The following ESR1 variants were observed in gnomAD, a reference collection of about 807,000 sequenced individuals.
The protein encoded by ESR1 is estrogen receptor.
ESR1 carries 12 observed loss-of-function variants against 52.7 expected under a neutral mutation model. The observed-to-expected ratio is 0.23, with a 90% confidence interval of 0.15 to 0.37. ESR1 has a LOEUF of 0.37. Among genes scored for constraint, ESR1 ranks in the 10% least tolerant of loss-of-function variants. The pLI, the probability that ESR1 is intolerant of heterozygous loss-of-function variation, is 1.00. For synonymous variants in ESR1, 305 were observed against 316.8 expected, an observed-to-expected ratio of 0.96 and a Z score of 0.39; for missense variants, 584 against 779.7, an observed-to-expected ratio of 0.75 and a Z score of 2.99.
intron 1 of ESR1, among the ~76,000 whole-genome samples, chr6:151,678,360 C>T (rs1450225279): frequency 6.6e-6 from 1 of 151,896 alleles, no homozygotes; most frequent in Non-Finnish European, 1.5e-5. Flanking sequence ...ATAATCCCAG[C>T]TACTTGGGAG....
At chr6:151,805,509 C>T (rs1055443935), upstream of ESR1, 1 of 152,600 alleles carries the variant, frequency 6.6e-6, no homozygotes, top group South Asian at 2.1e-4. Flanking sequence ...ACAGCTTTCT[C>T]TGGCTGTGCC....
At chr6:151,709,819 G>T (rs1780456561) in intron 2 of ESR1, among the ~76,000 whole-genome samples, 1 of 148,886 alleles carries the variant, frequency 6.7e-6, no homozygotes. Flanking sequence ...ATAATTTTCT[G>T]CTACAAAATT....
At chr6:152,044,631 A>G (rs2046079525) in intron 5 of ESR1, among the ~76,000 whole-genome samples, 1 of 152,070 alleles carries the variant, frequency 6.6e-6, no homozygotes, top group South Asian at 2.1e-4. Flanking sequence ...TGTAGGTCTA[A>G]GAGTTCAAAA....
chr6:152,044,437 A>G (rs962500864), intron 5 of ESR1, among the ~76,000 whole-genome samples: 2 of 152,232 alleles, frequency 1.3e-5, no homozygotes, highest in African/African-American at 2.4e-5. Flanking sequence ...GGTGAGATGT[A>G]TATATAAAAG....
chr6:152,031,582 A>C (rs1204867633), intron 5 of ESR1, among the ~76,000 whole-genome samples: 4 of 152,212 alleles, frequency 2.6e-5, no homozygotes, highest in Non-Finnish European at 5.9e-5. Flanking sequence ...TCCCAAGACT[A>C]AACCAGGAAG....
chr6:151,828,725 G>A (rs990778912), intron 1 of ESR1, among the ~76,000 whole-genome samples: 2 of 152,162 alleles, frequency 1.3e-5, no homozygotes, highest in Non-Finnish European at 2.9e-5. Context: ...CCTTGGTAGG[G>A]CATATCACAC....
chr6:151,886,450 C>T (rs1793863394), intron 3 of ESR1, among the ~76,000 whole-genome samples: 1 of 151,974 alleles, frequency 6.6e-6, no homozygotes, highest in African/African-American at 2.4e-5. Context: ...ATTTTAATAA[C>T]AAATGTTGCA....
intron 5 of ESR1, among the ~76,000 whole-genome samples, chr6:152,040,821 T>C (rs990737633): frequency 2.0e-5 from 3 of 152,160 alleles, no homozygotes; most frequent in African/African-American, 7.2e-5. Context: ...AGGCCATCAG[T>C]GCAGGCTGGG....
intron 5 of ESR1, among the ~76,000 whole-genome samples, chr6:152,035,298 A>T (rs1421421321): frequency 6.6e-6 from 1 of 150,738 alleles, no homozygotes; most frequent in African/African-American, 2.4e-5. Flanking sequence ...ATATAATTTT[A>T]TATAATTTAA....
At chr6:151,825,313 C>T (rs1417594674) in intron 1 of ESR1, among the ~76,000 whole-genome samples, 3 of 152,026 alleles carry the variant, frequency 2.0e-5, no homozygotes, top group African/African-American at 7.3e-5. Context: ...GACTGGGGCT[C>T]TCCAATACGT....
intron 2 of ESR1, among the ~76,000 whole-genome samples, chr6:151,791,342 GT>G (rs1319066200): frequency 6.6e-6 from 1 of 152,146 alleles, no homozygotes; most frequent in Admixed American, 6.5e-5. Context: ...AGATCTGATG[GT>G]TTTATAAATG....
chr6:151,696,682 C>T (rs1431851114), intron 1 of ESR1, among the ~76,000 whole-genome samples: 1 of 152,006 alleles, frequency 6.6e-6, no homozygotes. Context: ...ATCAGTAAGG[C>T]ACATAATATG....
At chr6:151,819,722 A>T (rs1292150885) in intron 1 of ESR1, among the ~76,000 whole-genome samples, 2 of 152,168 alleles carry the variant, frequency 1.3e-5, no homozygotes, top group Admixed American at 6.5e-5. Context: ...ATACTAATAG[A>T]AATAAAGTGC....
intron 2 of ESR1, among the ~76,000 whole-genome samples, chr6:151,731,934 A>G (rs961949983): frequency 3.3e-5 from 5 of 152,192 alleles, no homozygotes; most frequent in Admixed American, 1.3e-4. Context: ...ATATGGGTCC[A>G]CTGTGAAGTA....
chr6:151,852,148 G>A lies in ESR1; in HGVS notation c.643+9361G>A, dbSNP rs1010140994. ...CCAAGAGGAAGGCCAGTCATCAGGG[G>A]GTAGGATAAGTTCAATTCTAGACAT... is the stretch of plus-strand genomic sequence containing the variant. On this transcript the variant is annotated intron_variant, in intron 2 of 7. Coordinates refer to ENST00000206249, the MANE Select transcript of ESR1 (RefSeq NM_000125.4). 2.0e-5 allele frequency among the ~76,000 whole-genome samples: 3 copies of A among 152,122 alleles called. No homozygotes were observed. In the East Asian group the frequency reaches 5.8e-4, roughly 29 times the overall value.
At chr6:151,694,999 T>C (rs181746592) in intron 1 of ESR1, among the ~76,000 whole-genome samples, 14 of 152,280 alleles carry the variant, frequency 9.2e-5, no homozygotes, top group Admixed American at 9.2e-4. Flanking sequence ...CCCAGCCATG[T>C]GGCAAAGCTG....
At chr6:152,024,682 T>G (rs954031155) in intron 5 of ESR1, among the ~76,000 whole-genome samples, 2 of 147,640 alleles carry the variant, frequency 1.4e-5, no homozygotes, top group East Asian at 3.9e-4. Flanking sequence ...AAAATATATA[T>G]TATATATAGT....
intron 1 of ESR1, among the ~76,000 whole-genome samples, chr6:151,828,742 A>G (rs1781913076): frequency 6.6e-6 from 1 of 152,120 alleles, no homozygotes; most frequent in African/African-American, 2.4e-5. Flanking sequence ...ACACACATCA[A>G]CCCAATCCTC....
intron 1 of ESR1, among the ~76,000 whole-genome samples, chr6:151,698,682 C>T (rs1045695393): frequency 6.6e-6 from 1 of 152,070 alleles, no homozygotes; most frequent in Non-Finnish European, 1.5e-5. Flanking sequence ...AGGCAAGGAG[C>T]TACTGGGGGT....
Sources: gnomAD v4.1 joint callset for allele counts (sites outside exome capture counted in the v4.1 genomes callset) on GRCh38, gnomAD v4.1.1 for gene constraint, MANE v1.5 for transcripts, NCBI Gene and HGNC (gene_info 2026-07-23, HGNC 2026-07-21) for gene names.